Variants in TNS3 observed in about 807,000 individuals in gnomAD.
The protein encoded by TNS3 is tensin-3.
A neutral mutation model predicts 140.9 loss-of-function variants in TNS3; 45 were observed. The observed-to-expected ratio is 0.32, with a 90% CI of 0.25 to 0.41. The LOEUF is 0.41. Ranked by LOEUF, TNS3 falls within the 10% of genes least tolerant of loss-of-function variation. The pLI, the probability that TNS3 is intolerant of heterozygous loss-of-function variation, is 1.00. For missense variants in TNS3, 1,716 were observed against 1,906.7 expected (o/e 0.90, Z 1.86); for synonymous variants, 815 against 788.4 (o/e 1.03, Z -0.56).
At chr7:47,535,420 A>G (rs1296989535) in intron 1 of TNS3, among the ~76,000 whole-genome samples, 2 of 152,210 alleles carry the variant, frequency 1.3e-5, no homozygotes, top group Non-Finnish European at 2.9e-5. Context: ...TTCATTTAGG[A>G]TAGTGTAATA....
At chr7:47,444,847 C>T (rs1795648686) in intron 4 of TNS3, among the ~76,000 whole-genome samples, 1 of 152,156 alleles carries the variant, frequency 6.6e-6, no homozygotes, top group Admixed American at 6.5e-5. Context: ...AAGGTCAAGG[C>T]CAATGGAGGA....
Position 47,492,000 on chromosome 7 carries a change from C to T in TNS3, c.-114-10859G>A, listed in dbSNP as rs570182741. Among the ~76,000 whole-genome samples the T allele has an allele frequency of 9.2e-5, 14 of 152,180 alleles. No homozygotes were observed. In the South Asian group the frequency reaches 1.4e-3, roughly 16 times the overall value. On this transcript the variant is annotated intron_variant, in intron 3 of 30. Coordinates refer to ENST00000311160, the MANE Select transcript of TNS3 (RefSeq NM_022748.12). ...CTGGTAGTCTAAGCAAATGAAGGAA[C>T]GCTTTTTGATTTTGCTTTGATTTAT...
At chr7:47,581,346 C>G (rs1180652237) in intron 1 of TNS3, 1 of 151,276 alleles carries the variant, frequency 6.6e-6, no homozygotes, top group Non-Finnish European at 1.5e-5. Flanking sequence ...CCCCCCACCC[C>G]GAGGTCCCGT....
At chr7:47,398,995 T>C (rs917018738) in intron 15 of TNS3, among the ~76,000 whole-genome samples, 1 of 149,566 alleles carries the variant, frequency 6.7e-6, no homozygotes, top group Non-Finnish European at 1.5e-5. Flanking sequence ...TCAAAATCAA[T>C]GTACACATAT....
intron 3 of TNS3, among the ~76,000 whole-genome samples, chr7:47,504,502 T>C (rs1798342418): frequency 6.6e-6 from 1 of 152,208 alleles, no homozygotes; most frequent in Non-Finnish European, 1.5e-5. Flanking sequence ...CAGCACACGC[T>C]ACCACCCAGT....
At chr7:47,286,970 G>C (rs138955282) in intron 27 of TNS3, among the ~76,000 whole-genome samples, 43 of 152,264 alleles carry the variant, frequency 2.8e-4, no homozygotes, top group Non-Finnish European at 5.1e-4. Context: ...CTTTGGGCTG[G>C]AGAACACTTT....
chr7:47,300,085 C>T (rs998135013), intron 23 of TNS3, among the ~76,000 whole-genome samples: 1 of 152,182 alleles, frequency 6.6e-6, no homozygotes, highest in Non-Finnish European at 1.5e-5. Flanking sequence ...TGACAAATTG[C>T]ACTCCCAAAG....
rs759875153 is a variant in TNS3, at chr7:47,322,213, C to CAA, written c.2651-17212_2651-17211dup. 6.6e-3 allele frequency among the ~76,000 whole-genome samples: 328 copies of CAA among 49,618 alleles called. 21 individuals are homozygous for CAA. The highest frequency in any genetic ancestry group is 0.021 in the African/African-American group (269 of 12,728). 32.6% of individuals were successfully genotyped at this position (49,618 alleles called of 152,430 possible). ...GCACATGAGAGTGAAGTAGAACGGG[C>CAA]AAAAAAAAAAAAAAAAAAAAAAAGC... On this transcript the variant is annotated intron_variant, in intron 20 of 30. Coordinates refer to ENST00000311160, the MANE Select transcript of TNS3 (RefSeq NM_022748.12).
chr7:47,511,865 C>A (rs1798623796), intron 2 of TNS3, among the ~76,000 whole-genome samples: 1 of 152,220 alleles, frequency 6.6e-6, no homozygotes, highest in African/African-American at 2.4e-5. Flanking sequence ...AGCCTGCCGG[C>A]CGCTGCACCT....
chr7:47,311,440 A>G (rs935162982), intron 20 of TNS3, among the ~76,000 whole-genome samples: 18 of 135,980 alleles, frequency 1.3e-4, no homozygotes, highest in African/African-American at 1.9e-4. Context: ...GTGTGTGTGT[A>G]TACATATATA....
In TNS3 at chr7:47,481,152, G is replaced by A. The variant is rs1214721054; in HGVS notation, c.-114-11C>T. The A allele has an allele frequency of 7.8e-7, 1 of 1,289,710 alleles. No homozygotes were observed. The highest frequency in any genetic ancestry group is 1.2e-5 in the South Asian group (1 of 81,022). The allele number at this position is 1,289,710 out of a possible 1,614,324, so 79.9% of individuals were successfully genotyped here. A position where few individuals can be genotyped will look rare whatever the true frequency, so the allele number is the denominator to read the frequency against. ...GCAGGGAATCACCACCTTTCAAAGAGAGAAGAAACAGATAAGCAAATGGAT... is the reference window on the plus strand; with the variant it reads ...GCAGGGAATCACCACCTTTCAAAGAAAGAAGAAACAGATAAGCAAATGGAT... On this transcript the variant is annotated splice_polypyrimidine_tract_variant and intron_variant, in intron 3 of 30. Transcript: ENST00000311160.
At chr7:47,519,688 TG>T (rs1350775447) in intron 2 of TNS3, among the ~76,000 whole-genome samples, 1 of 152,128 alleles carries the variant, frequency 6.6e-6, no homozygotes, top group Non-Finnish European at 1.5e-5. Flanking sequence ...CACAGTGAGC[TG>T]GCTGGAGGGG....
At chr7:47,573,112 C>T (rs1800595945) in intron 1 of TNS3, among the ~76,000 whole-genome samples, 1 of 152,150 alleles carries the variant, frequency 6.6e-6, no homozygotes, top group Non-Finnish European at 1.5e-5. Context: ...GAGGTGGGGC[C>T]CACCCACCAG....
chr7:47,476,765 T>C (rs1022677631), intron 4 of TNS3, among the ~76,000 whole-genome samples: 2 of 152,228 alleles, frequency 1.3e-5, no homozygotes, highest in African/African-American at 4.8e-5. Context: ...TGTGGTTTCC[T>C]TTTCACACTG....
chr7:47,317,949 C>T (rs1388270440), intron 20 of TNS3, among the ~76,000 whole-genome samples: 1 of 152,212 alleles, frequency 6.6e-6, no homozygotes, highest in Non-Finnish European at 1.5e-5. Flanking sequence ...TGTGATAAGA[C>T]ATACATAACA....
At chr7:47,562,605 C>G (rs1800340429) in intron 1 of TNS3, among the ~76,000 whole-genome samples, 1 of 152,158 alleles carries the variant, frequency 6.6e-6, no homozygotes, top group Non-Finnish European at 1.5e-5. Context: ...AGGCTGGTCT[C>G]AAACTCCTGA....
At chr7:47,487,114 C>A (rs1427149482) in intron 3 of TNS3, among the ~76,000 whole-genome samples, 1 of 152,082 alleles carries the variant, frequency 6.6e-6, no homozygotes, top group Non-Finnish European at 1.5e-5. Flanking sequence ...ACCTGGTCAA[C>A]ATGGCAAAAC....
chr7:47,452,969 G>C (rs1796086150), intron 4 of TNS3: 1 of 985,398 alleles, frequency 1.0e-6, no homozygotes, highest in Non-Finnish European at 1.2e-6. Context: ...GGCCAGGGCT[G>C]CTTTTCCCTT....
intron 20 of TNS3, among the ~76,000 whole-genome samples, chr7:47,321,882 A>C (rs1377574571): frequency 2.0e-5 from 3 of 152,082 alleles, no homozygotes; most frequent in Admixed American, 1.3e-4. Context: ...TACAGCACTC[A>C]AGCCTCTCTC....
Sources: allele counts gnomAD v4.1 joint callset (sites outside exome capture counted in the v4.1 genomes callset), GRCh38; gene constraint gnomAD v4.1.1; transcripts MANE v1.5; gene names NCBI Gene and HGNC (gene_info 2026-07-23, HGNC 2026-07-21).